CPLX1: variants seen among roughly 807,000 people sequenced by gnomAD.
The protein encoded by CPLX1 is complexin 1.
Under a neutral mutation model 15.6 loss-of-function variants are expected in CPLX1, and 6 were observed. The observed-to-expected ratio is 0.39, with a 90% CI of 0.21 to 0.76. The LOEUF (loss-of-function observed/expected upper bound fraction) is 0.76. Among genes scored for constraint, CPLX1 ranks in the 30% least tolerant of loss-of-function variants. The probability of loss-of-function intolerance (pLI) is 0.43; values close to 1 mark genes in which losing one functional copy is unlikely to be tolerated. For missense variants in CPLX1, 242 were observed against 188.6 expected, an observed-to-expected ratio of 1.28 and a Z score of -1.66; for synonymous variants, 91 against 75.2, an observed-to-expected ratio of 1.21 and a Z score of -1.08.
intron 2 of CPLX1, among the ~76,000 whole-genome samples, chr4:799,975 C>T (rs10004297): frequency 0.26 from 39,769 of 152,118 alleles, 6,934 homozygotes; most frequent in African/African-American, 0.5. Context: ...AACCCCAACT[C>T]GAAGCCGGTC....
At chr4:805,409 G>A (rs555886895) in intron 2 of CPLX1, among the ~76,000 whole-genome samples, 3 of 152,230 alleles carry the variant, frequency 2.0e-5, no homozygotes, top group African/African-American at 7.2e-5. Context: ...ATGAGATACC[G>A]GCTCACACCC....
chr4:797,033 A>G (rs992953351), intron 2 of CPLX1, among the ~76,000 whole-genome samples: 15 of 152,320 alleles, frequency 9.8e-5, no homozygotes, highest in African/African-American at 3.6e-4. Context: ...GTATCCCCAG[A>G]TGGGACAGGA....
intron 3 of CPLX1, among the ~76,000 whole-genome samples, chr4:791,698 G>A (rs891734661): frequency 1.3e-5 from 2 of 152,288 alleles, no homozygotes; most frequent in South Asian, 2.1e-4. Context: ...CACAGCTTCC[G>A]GCCTGCTGGG....
At position 818,077 on chromosome 4, in the gene CPLX1, T is replaced by C. The variant is rs370607062; in HGVS notation, c.31+6415A>G. Among the ~76,000 whole-genome samples, 3 of 152,344 alleles carry C rather than the reference T, an allele frequency of 2.0e-5. No homozygotes were observed. In the East Asian group the frequency reaches 5.8e-4, roughly 29 times the overall value. On this transcript the variant is annotated intron_variant, in intron 2 of 3. Coordinates refer to ENST00000304062, the MANE Select transcript of CPLX1 (RefSeq NM_006651.4). ...ATCTGGTGTAAAAGAAGGTTGGCTT[T>C]TGGCTCCTGTTCTTGCATTGCAGAC...
chr4:788,272 C>T (rs543265963), intron 3 of CPLX1: 35 of 985,274 alleles, frequency 3.6e-5, no homozygotes, highest in Non-Finnish European at 4.0e-5. Flanking sequence ...TGCCTGTGTG[C>T]TCCCCAACCC....
intron 2 of CPLX1, among the ~76,000 whole-genome samples, chr4:797,204 T>C (rs755573857): frequency 6.6e-6 from 1 of 152,228 alleles, no homozygotes; most frequent in Admixed American, 6.5e-5. Context: ...TTTGTAGTTG[T>C]CCATTACCTG....
intron 2 of CPLX1, among the ~76,000 whole-genome samples, chr4:797,737 T>C (rs1055601078): frequency 2.0e-5 from 3 of 150,002 alleles, no homozygotes; most frequent in Admixed American, 6.6e-5. Flanking sequence ...ATCGAGACCA[T>C]CCTGGCTAAC....
intron 2 of CPLX1, among the ~76,000 whole-genome samples, chr4:819,013 T>C (rs1261886090): frequency 1.3e-5 from 2 of 152,252 alleles, no homozygotes; most frequent in Non-Finnish European, 2.9e-5. Context: ...GCATCAGATT[T>C]GCGTGGACTC....
At chr4:791,182 G>A (rs928918559) in intron 3 of CPLX1, among the ~76,000 whole-genome samples, 11 of 150,604 alleles carry the variant, frequency 7.3e-5, no homozygotes, top group South Asian at 4.2e-4. Context: ...GCGGGGCGGG[G>A]GGCGGGGAGC....
At chr4:787,688 T>A in intron 3 of CPLX1, 4 of 984,866 alleles carry the variant, frequency 4.1e-6, no homozygotes, top group Non-Finnish European at 4.8e-6. Context: ...GAGTGTGGGA[T>A]TTTGTTCTTC....
chr4:802,974 G>A (rs1438661410), intron 2 of CPLX1, among the ~76,000 whole-genome samples: 1 of 150,848 alleles, frequency 6.6e-6, no homozygotes, highest in Admixed American at 6.6e-5. Flanking sequence ...AAAAATTCCA[G>A]AAAGCATGAA....
At chr4:801,016 C>T (rs1200330482) in intron 2 of CPLX1, among the ~76,000 whole-genome samples, 4 of 149,292 alleles carry the variant, frequency 2.7e-5, no homozygotes, top group Non-Finnish European at 5.9e-5. Context: ...GACTCTGTCT[C>T]AAAAAAACAA....
chr4:794,761 C>T (rs2152643724), intron 2 of CPLX1, among the ~76,000 whole-genome samples: 1 of 152,366 alleles, frequency 6.6e-6, no homozygotes, highest in South Asian at 2.1e-4. Flanking sequence ...CCTGGTCTCT[C>T]CCCACATTGC....
intron 2 of CPLX1, among the ~76,000 whole-genome samples, chr4:822,688 C>T (rs1369008863): frequency 6.6e-6 from 1 of 152,184 alleles, no homozygotes; most frequent in African/African-American, 2.4e-5. Flanking sequence ...CTGCCAAGCT[C>T]TGTCGTGCTG....
At position 810,339 on chromosome 4, in the gene CPLX1, A is replaced by G. The variant is rs533185321; in HGVS notation, c.31+14153T>C. On this transcript the variant is annotated intron_variant, in intron 2 of 3. Coordinates refer to ENST00000304062, the MANE Select transcript of CPLX1 (RefSeq NM_006651.4). ...GCTGGGATTACAGGCGTGAGCCACC[A>G]CGCCCGGCCTTGGGTCTGCGCTTTC... Among the ~76,000 whole-genome samples the G allele has an allele frequency of 3.0e-4, 46 of 152,176 alleles. No homozygotes were observed. The East Asian group carries it at 4.8e-3, about 16-fold the overall frequency.
chr4:807,134 C>T (rs902372370), intron 2 of CPLX1, among the ~76,000 whole-genome samples: 1 of 152,194 alleles, frequency 6.6e-6, no homozygotes, highest in African/African-American at 2.4e-5. Flanking sequence ...ACATGGAATA[C>T]TACACAGCCA....
rs1485619581 is a variant in CPLX1 at position 786,219 on chromosome 4, C to T, written c.*282G>A. On this transcript the variant is annotated 3_prime_UTR_variant, in exon 4 of 4. Coordinates refer to ENST00000304062, the MANE Select transcript of CPLX1 (RefSeq NM_006651.4). Reference sequence around the variant, plus strand: ...GGGGCTGCCCTTCGGCGGCCCTGGCCTCGGGCGCTGCTGGGTGGGCGGTAA... The same window carrying T: ...GGGGCTGCCCTTCGGCGGCCCTGGCTTCGGGCGCTGCTGGGTGGGCGGTAA... 3 of 276,662 alleles carry T rather than the reference C, an allele frequency of 1.1e-5. No homozygotes were observed. Among genetic ancestry groups the T allele is most frequent in the Non-Finnish European group, 2.0e-5 (3 of 148,830 alleles). The allele number at this position is 276,662 out of a possible 1,614,324, so 17.1% of individuals were successfully genotyped here.
chr4:796,824 T>G (rs930210728), intron 2 of CPLX1, among the ~76,000 whole-genome samples: 46 of 152,120 alleles, frequency 3.0e-4, no homozygotes, highest in African/African-American at 1.1e-3. Flanking sequence ...AAAGGCCCAT[T>G]TGCCAGGACA....
At chr4:791,192 C>CG (rs1553852543) in intron 3 of CPLX1, among the ~76,000 whole-genome samples, 13 of 66,740 alleles carry the variant, frequency 1.9e-4, no homozygotes, top group Non-Finnish European at 4.1e-4. Context: ...GGGCGGGGAG[C>CG]GGGGGGCGGA....
Sources: gnomAD v4.1 joint callset for allele counts (sites outside exome capture counted in the v4.1 genomes callset) on GRCh38, gnomAD v4.1.1 for gene constraint, MANE v1.5 for transcripts, NCBI Gene and HGNC (gene_info 2026-07-23, HGNC 2026-07-21) for gene names.